CTDSPL2: variants seen among roughly 807,000 people sequenced by gnomAD.
The protein encoded by CTDSPL2 is CTD small phosphatase like 2, also known as CTD small phosphatase-like protein 2.
Under a neutral mutation model 60.0 loss-of-function variants are expected in CTDSPL2, and 5 were observed. That is an observed-to-expected ratio of 0.08 (90% CI 0.04 to 0.18). CTDSPL2 has a LOEUF of 0.18. CTDSPL2 is among the 10% of genes least tolerant of loss of function. The pLI is 1.00. For synonymous variants in CTDSPL2, 186 were observed against 189.3 expected (o/e 0.98, Z 0.14); for missense variants, 370 against 548.8 (o/e 0.67, Z 3.26).
chr15:44,498,773 C>T (rs1460284245), intron 7 of CTDSPL2, among the ~76,000 whole-genome samples: 2 of 151,952 alleles, frequency 1.3e-5, no homozygotes, highest in African/African-American at 2.4e-5. Flanking sequence ...GTGGTGGGCG[C>T]CTGTAATTTC....
chr15:44,501,582 G>A (rs1431624300), intron 8 of CTDSPL2, among the ~76,000 whole-genome samples: 3 of 152,038 alleles, frequency 2.0e-5, no homozygotes, highest in African/African-American at 4.8e-5. Context: ...AATACTGTAT[G>A]TATGTACTGC....
At chr15:44,460,433 C>T (rs995682545) in intron 2 of CTDSPL2, among the ~76,000 whole-genome samples, 3 of 152,140 alleles carry the variant, frequency 2.0e-5, no homozygotes, top group Admixed American at 6.5e-5. Context: ...TTAATGCACT[C>T]TATCAATGTA....
chr15:44,507,131 C>T (rs985697778), intron 8 of CTDSPL2, among the ~76,000 whole-genome samples: 1 of 151,434 alleles, frequency 6.6e-6, no homozygotes, highest in Non-Finnish European at 1.5e-5. Context: ...GTCGCCCAGG[C>T]TAGAGTATGG....
intron 1 of CTDSPL2, among the ~76,000 whole-genome samples, chr15:44,432,023 C>G (rs549170613): frequency 1.3e-5 from 2 of 151,842 alleles, no homozygotes; most frequent in Non-Finnish European, 2.9e-5. Flanking sequence ...CGCGCCTGGC[C>G]AGGAGAGTTA....
chr15:44,441,768 G>C (rs992935683), intron 1 of CTDSPL2, among the ~76,000 whole-genome samples: 5 of 152,092 alleles, frequency 3.3e-5, no homozygotes, highest in African/African-American at 1.2e-4. Flanking sequence ...TTGTTAGGCT[G>C]GTGGTGGCAT....
chr15:44,518,712 C>T (rs1466670250), intron 10 of CTDSPL2: 1 of 152,376 alleles, frequency 6.6e-6, no homozygotes, highest in Non-Finnish European at 1.5e-5. Flanking sequence ...CAGGAGGATC[C>T]TGGGTTCCAA....
chr15:44,475,562 G>A (rs868540044), intron 2 of CTDSPL2, among the ~76,000 whole-genome samples: 7 of 151,404 alleles, frequency 4.6e-5, no homozygotes, highest in Non-Finnish European at 5.9e-5. Flanking sequence ...TCGCTTGAAC[G>A]TGGGAGGTGG....
intron 2 of CTDSPL2, among the ~76,000 whole-genome samples, chr15:44,466,341 T>A (rs1387375324): frequency 6.6e-6 from 1 of 152,176 alleles, no homozygotes; most frequent in African/African-American, 2.4e-5. Flanking sequence ...ACTACTTGAT[T>A]AATTGAAGTA....
intron 2 of CTDSPL2, among the ~76,000 whole-genome samples, chr15:44,461,275 A>G (rs1419381802): frequency 6.6e-6 from 1 of 152,252 alleles, no homozygotes; most frequent in African/African-American, 2.4e-5. Context: ...AAATCCACAT[A>G]CAACTTTTGA....
intron 1 of CTDSPL2, among the ~76,000 whole-genome samples, chr15:44,440,529 G>A (rs998879416): frequency 6.6e-6 from 1 of 152,100 alleles, no homozygotes; most frequent in Admixed American, 6.6e-5. Context: ...CTCCTTAAAA[G>A]TATATAGGAT....
At chr15:44,478,794 C>T (rs1331516711) in intron 2 of CTDSPL2, among the ~76,000 whole-genome samples, 1 of 151,936 alleles carries the variant, frequency 6.6e-6, no homozygotes, top group African/African-American at 2.4e-5. Context: ...CCAGCCTGAC[C>T]AACATGGTGA....
At chr15:44,481,869 G>C (rs761204719) in intron 2 of CTDSPL2, among the ~76,000 whole-genome samples, 1 of 152,086 alleles carries the variant, frequency 6.6e-6, no homozygotes, top group African/African-American at 2.4e-5. Flanking sequence ...CACAGCGCCC[G>C]GCCTATTTTT....
At chr15:44,454,060 T>C (rs924794548) in intron 1 of CTDSPL2, among the ~76,000 whole-genome samples, 9 of 152,204 alleles carry the variant, frequency 5.9e-5, no homozygotes, top group Non-Finnish European at 1.0e-4. Context: ...AAAGTGTTCC[T>C]ATTTCTCCAC....
Position 44,519,173 on chromosome 15 carries a change from C to T in CTDSPL2, c.1117C>T (p.Arg373Trp). The change falls in exon 11 of 13, where the codon CGG becomes TGG. Residue 373 changes from arginine to tryptophan, a missense_variant. This residue lies in a region of CTDSPL2 where 46 missense variants were observed against 126.0 expected (regional missense o/e 0.37). Coordinates refer to ENST00000260327, the MANE Select transcript of CTDSPL2 (RefSeq NM_016396.3). ...TGTTTTTATTTTTATGTTTAGGCACCGGCTTTTCCGTGAACATTGTGTTTG... is the reference window on the plus strand; with the variant it reads ...TGTTTTTATTTTTATGTTTAGGCACTGGCTTTTCCGTGAACATTGTGTTTG... ...LDPKKQLVRH[R>W]LFREHCVCVQ... 2 of 1,482,176 alleles carry T rather than the reference C, an allele frequency of 1.3e-6. No individual in the cohort carries two copies. Among genetic ancestry groups the T allele is most frequent in the Non-Finnish European group, 1.8e-6 (2 of 1,123,340 alleles). 91.8% of individuals were successfully genotyped at this position (1,482,176 alleles called of 1,614,324 possible).
At chr15:44,467,790 G>A (rs376963612) in intron 2 of CTDSPL2, among the ~76,000 whole-genome samples, 9 of 152,092 alleles carry the variant, frequency 5.9e-5, no homozygotes, top group Non-Finnish European at 1.3e-4. Flanking sequence ...GGCCAGGCTG[G>A]TCTTGAACTC....
intron 1 of CTDSPL2, among the ~76,000 whole-genome samples, chr15:44,440,958 T>G (rs1482125671): frequency 2.0e-5 from 3 of 152,162 alleles, no homozygotes; most frequent in Non-Finnish European, 4.4e-5. Context: ...GTGCTTAGAT[T>G]GGTAGTTGGC....
intron 1 of CTDSPL2, among the ~76,000 whole-genome samples, chr15:44,458,008 A>G (rs925473392): frequency 4.6e-5 from 7 of 152,196 alleles, no homozygotes; most frequent in African/African-American, 1.7e-4. Flanking sequence ...TTTGCCAGGA[A>G]TTTCTGTACA....
rs199907193 is a variant in CTDSPL2 at position 44,455,938 on chromosome 15, C to T, written c.-24-3053C>T. On this transcript the variant is annotated intron_variant, in intron 1 of 12. Transcript: ENST00000260327. ...AATCTCGGCTCACTGCAGGCTCCGC[C>T]CCCTGGGGTTCACGCCATTCTCCTG... is the stretch of plus-strand genomic sequence containing the variant. 2.0e-5 allele frequency among the ~76,000 whole-genome samples: 3 copies of T among 149,862 alleles called. No homozygotes were observed. The East Asian group carries it at 5.9e-4, about 29-fold the overall frequency.
rs1438411294 is a variant in CTDSPL2 at position 44,528,351 on chromosome 15, T to C, written c.*4177T>C. ...GAGAGTTCTGGCTTTTTTTTTTTGT[T>C]TGGTTGGTTTTGTTTTGTTTTGTTT... is the stretch of plus-strand genomic sequence containing the variant. On this transcript the variant is annotated 3_prime_UTR_variant, in exon 13 of 13. Coordinates refer to ENST00000260327, the MANE Select transcript of CTDSPL2 (RefSeq NM_016396.3). 1.3e-5 allele frequency: 2 copies of C among 151,734 alleles called. No individual in the cohort carries two copies. The highest frequency in any genetic ancestry group is 2.9e-5 in the Non-Finnish European group (2 of 67,938). 9.4% of individuals were successfully genotyped at this position (151,734 alleles called of 1,614,324 possible). A position where few individuals can be genotyped will look rare whatever the true frequency, so the allele number is the denominator to read the frequency against.
Sources: allele counts gnomAD v4.1 joint callset (sites outside exome capture counted in the v4.1 genomes callset), GRCh38; gene constraint gnomAD v4.1.1; regional missense constraint gnomAD v4.1.1; transcripts MANE v1.5; gene names NCBI Gene and HGNC (gene_info 2026-07-23, HGNC 2026-07-21).